TNNC1: variants seen among roughly 807,000 people sequenced by gnomAD.
TNNC1 encodes troponin C, slow skeletal and cardiac muscles.
A neutral mutation model predicts 19.6 loss-of-function variants in TNNC1; 10 were observed. That is an observed-to-expected ratio of 0.51 (90% CI 0.31 to 0.87). The LOEUF (loss-of-function observed/expected upper bound fraction) is 0.87. Ranked by LOEUF, TNNC1 falls within the 40% of genes least tolerant of loss-of-function variation. TNNC1 has a pLI of 0.04. For missense variants in TNNC1, 115 were observed against 219.8 expected (o/e 0.52, Z 3.02); for synonymous variants, 85 against 80.1 (o/e 1.06, Z -0.33).
At chr3:52,453,235 A>G (rs974863307) in intron 1 of TNNC1, among the ~76,000 whole-genome samples, 3 of 151,980 alleles carry the variant, frequency 2.0e-5, no homozygotes, top group Non-Finnish European at 4.4e-5. Flanking sequence ...GGGTTGGGGG[A>G]GGTCACCACC....
Position 52,452,042 on chromosome 3 carries a change from G to A in TNNC1, c.202+64C>T, listed in dbSNP as rs1482763695. 1 of 1,612,226 alleles carries A rather than the reference G, an allele frequency of 6.2e-7. No homozygotes were observed. Among genetic ancestry groups the A allele is most frequent in the East Asian group, 2.2e-5 (1 of 44,864 alleles). On this transcript the variant is annotated intron_variant, in intron 3 of 5. Transcript: ENST00000232975. This position sits in a 1 kb window ranked among gnomAD's most constrained non-coding sequence, Gnocchi z 5.2. ...AGGCTAAATTGCTCCCAGCTAAACA[G>A]AGCCAGCATTCCAGCCCCCAGCCAG...
Position 52,451,446 on chromosome 3 carries a change from G to A in TNNC1, c.399C>T (p.Ile133=). The change falls in exon 5 of 6, where the codon ATC becomes ATT. Residue 133 remains isoleucine (I), a synonymous_variant. Transcript: ENST00000232975. This position sits in a 1 kb window ranked among gnomAD's most constrained non-coding sequence, Gnocchi z 4.8. ...ATGETITEDD[I]EELMKDGDKN... ...TGTCTCCGTCCTTCATGAGCTCCTC[G>A]ATGTCGTCCTCCGTGATGGTCTCGC... The A allele has an allele frequency of 3.7e-6, 6 of 1,614,150 alleles. No individual in the cohort carries two copies. The highest frequency in any genetic ancestry group is 4.2e-6 in the Non-Finnish European group (5 of 1,180,008).
At position 52,452,558 on chromosome 3, in the gene TNNC1, G is replaced by T. The variant is rs748913363; in HGVS notation, c.25-45C>A. On this transcript the variant is annotated intron_variant, in intron 1 of 5. Coordinates refer to ENST00000232975, the MANE Select transcript of TNNC1 (RefSeq NM_003280.3). The surrounding 1 kb of genome is among the most constrained non-coding windows in gnomAD (Gnocchi z 5.2). ...TCAAGGCTCAGACTCAGGTATAGCT[G>T]CTGCTGAGGAAACCAACCCATTCCA... 2.6e-5 allele frequency: 42 copies of T among 1,605,244 alleles called. No individual in the cohort carries two copies. Among genetic ancestry groups the T allele is most frequent in the Middle Eastern group, 3.3e-4 (2 of 6,052 alleles).
At position 52,452,331 on chromosome 3, in the gene TNNC1, T is replaced by G. The variant is rs1020934412; in HGVS notation, c.56-79A>C. ...GGAGGGCCAGAACCCTGGGGCCACCTGCCAACCTGCCCACCTCCCTCGGAG... is the reference window on the plus strand; with the variant it reads ...GGAGGGCCAGAACCCTGGGGCCACCGGCCAACCTGCCCACCTCCCTCGGAG... On this transcript the variant is annotated intron_variant, in intron 2 of 5. Transcript: ENST00000232975. This position sits in a 1 kb window ranked among gnomAD's most constrained non-coding sequence, Gnocchi z 5.2. The G allele has an allele frequency of 2.6e-5, 41 of 1,599,044 alleles. No homozygotes were observed. The Admixed American group carries it at 3.2e-4, about 12-fold the overall frequency.
Position 52,451,626 on chromosome 3 carries a change from C to A in TNNC1, c.318-99G>T. 1 of 1,581,774 alleles carries A rather than the reference C, an allele frequency of 6.3e-7. No individual in the cohort carries two copies. The highest frequency in any genetic ancestry group is 8.7e-7 in the Non-Finnish European group (1 of 1,151,394). ...GCAGGGACACTGGGAGATGGGGCAT[C>A]CCTCTCCCCTATCAGGCAGAGGCCA... On this transcript the variant is annotated intron_variant, in intron 4 of 5. Transcript: ENST00000232975. This position sits in a 1 kb window ranked among gnomAD's most constrained non-coding sequence, Gnocchi z 4.8.
At position 52,452,025 on chromosome 3, in the gene TNNC1, T is replaced by C; in HGVS notation, c.202+81A>G. 6.2e-7 allele frequency: 1 copy of C among 1,607,428 alleles called. No individual in the cohort carries two copies. Among genetic ancestry groups the C allele is most frequent in the Admixed American group, 1.7e-5 (1 of 59,966 alleles). On this transcript the variant is annotated intron_variant, in intron 3 of 5. Coordinates refer to ENST00000232975, the MANE Select transcript of TNNC1 (RefSeq NM_003280.3). The surrounding 1 kb of genome is among the most constrained non-coding windows in gnomAD (Gnocchi z 5.2). ...GCAACCAAGGCTCGGATAGGCTAAA[T>C]TGCTCCCAGCTAAACAGAGCCAGCA...
rs1559615966 is a variant in TNNC1 at position 52,451,765 on chromosome 3, T to A, written c.296A>T (p.Asp99Val). Reference sequence around the variant, plus strand: ...TCACTTGTCAAACATGCGGAAGAGGTCAGACAGCTCCTCCTCAGATTTCCC... The same window carrying A: ...TCACTTGTCAAACATGCGGAAGAGGACAGACAGCTCCTCCTCAGATTTCCC... ...SKGKSEEELS[D>V]LFRMFDKNAD... The change falls in exon 4 of 6, where the codon GAC becomes GTC. Residue 99 changes from aspartate to valine, a missense_variant. Physicochemically the swap from Asp to Val is radical, Grantham distance 152 (BLOSUM62 -3). Around this residue, in one of 2 missense-constraint regions of TNNC1, gnomAD observed 96 missense variants for 114.2 expected, o/e 0.84. Coordinates refer to ENST00000232975, the MANE Select transcript of TNNC1 (RefSeq NM_003280.3). The surrounding 1 kb of genome is among the most constrained non-coding windows in gnomAD (Gnocchi z 4.8). The A allele has an allele frequency of 6.2e-7, 1 of 1,613,740 alleles. No homozygotes were observed. The highest frequency in any genetic ancestry group is 8.5e-7 in the Non-Finnish European group (1 of 1,179,894).
rs72965257 is a variant in TNNC1 at position 52,452,957 on chromosome 3, G to A, written c.25-444C>T. The A allele has an allele frequency of 0.022, 5,603 of 257,882 alleles. 214 individuals are homozygous for A. The highest frequency in any genetic ancestry group is 0.094 in the African/African-American group (4,271 of 45,248). The allele number at this position is 257,882 out of a possible 1,614,324, so 16.0% of individuals were successfully genotyped here. A position where few individuals can be genotyped will look rare whatever the true frequency, so the allele number is the denominator to read the frequency against. ...AAGTTAAACCTGGTGATTGTTCTGG[G>A]GACTTTGGCATGCAGGGGGTGGGGC... On this transcript the variant is annotated intron_variant, in intron 1 of 5. Transcript: ENST00000232975. This position sits in a 1 kb window ranked among gnomAD's most constrained non-coding sequence, Gnocchi z 5.2.
chr3:52,453,198 T>C (rs1179856772), intron 1 of TNNC1, among the ~76,000 whole-genome samples: 2 of 152,282 alleles, frequency 1.3e-5, no homozygotes, highest in East Asian at 3.9e-4. Flanking sequence ...TGGGGACAGC[T>C]GGCCATGCCA....
At position 52,451,789 on chromosome 3, in the gene TNNC1, C is replaced by T. The variant is rs1360608140; in HGVS notation, c.272G>A (p.Gly91Glu). ...MVRCMKDDSK[G>E]KSEEELSDLF... ...GTCAGACAGCTCCTCCTCAGATTTC[C>T]CTTTGCTGTCGTCCTTCATGCACCG... The change falls in exon 4 of 6, where the codon GGG (glycine) becomes GAG (glutamate). Residue 91 changes from glycine to glutamate, a missense_variant. This residue lies in a region of TNNC1 where 96 missense variants were observed against 114.2 expected (regional missense o/e 0.84). Coordinates refer to ENST00000232975, the MANE Select transcript of TNNC1 (RefSeq NM_003280.3). The surrounding 1 kb of genome is among the most constrained non-coding windows in gnomAD (Gnocchi z 4.8). 1 of 1,614,114 alleles carries T rather than the reference C, an allele frequency of 6.2e-7. No individual in the cohort carries two copies. Among genetic ancestry groups the T allele is most frequent in the South Asian group, 1.1e-5 (1 of 91,080 alleles).
rs1706334406 is a variant in TNNC1 at position 52,451,940 on chromosome 3, A to G, written c.203-82T>C. The stretch of plus-strand genomic sequence containing the variant: ...CTTCGACACGAACCCCCATGTTCTC[A>G]CCGCATCCTCACACCAAACGCCAGG... On this transcript the variant is annotated intron_variant, in intron 3 of 5. Transcript: ENST00000232975. This position sits in a 1 kb window ranked among gnomAD's most constrained non-coding sequence, Gnocchi z 4.8. 9 of 1,534,280 alleles carry G rather than the reference A, an allele frequency of 5.9e-6. No individual in the cohort carries two copies. The highest frequency in any genetic ancestry group is 5.0e-5 in the Admixed American group (3 of 59,834).
At position 52,452,571 on chromosome 3, in the gene TNNC1, C is replaced by T; in HGVS notation, c.25-58G>A. ...TCAGGTATAGCTGCTGCTGAGGAAA[C>T]CAACCCATTCCACAGGTGAGAAGGC... On this transcript the variant is annotated intron_variant, in intron 1 of 5. Coordinates refer to ENST00000232975, the MANE Select transcript of TNNC1 (RefSeq NM_003280.3). This position sits in a 1 kb window ranked among gnomAD's most constrained non-coding sequence, Gnocchi z 5.2. The T allele has an allele frequency of 6.4e-7, 1 of 1,574,108 alleles. No homozygotes were observed. The highest frequency in any genetic ancestry group is 8.7e-7 in the Non-Finnish European group (1 of 1,150,170).
At position 52,452,907 on chromosome 3, in the gene TNNC1, A is replaced by C. The variant is rs1306724581; in HGVS notation, c.25-394T>G. ...CCACGGTAACCTGACCAGGGTGGCC[A>C]CTGGGCTATTTTTAACGAGGAACAA... On this transcript the variant is annotated intron_variant, in intron 1 of 5. Coordinates refer to ENST00000232975, the MANE Select transcript of TNNC1 (RefSeq NM_003280.3). The surrounding 1 kb of genome is among the most constrained non-coding windows in gnomAD (Gnocchi z 5.2). 1 of 320,484 alleles carries C rather than the reference A, an allele frequency of 3.1e-6. No homozygotes were observed. The highest frequency in any genetic ancestry group is 6.0e-6 in the Non-Finnish European group (1 of 167,150). The allele number at this position is 320,484 out of a possible 1,614,324, so 19.9% of individuals were successfully genotyped here.
At position 52,451,681 on chromosome 3, in the gene TNNC1, G is replaced by T; in HGVS notation, c.317+63C>A. 6.3e-7 allele frequency: 1 copy of T among 1,580,428 alleles called. No homozygotes were observed. The highest frequency in any genetic ancestry group is 8.7e-7 in the Non-Finnish European group (1 of 1,149,438). On this transcript the variant is annotated intron_variant, in intron 4 of 5. Transcript: ENST00000232975. The surrounding 1 kb of genome is among the most constrained non-coding windows in gnomAD (Gnocchi z 4.8). ...GTCCCTAGGCCTGGAATCTGAGACT[G>T]CCCTCCTGTACAGCTCGGCTTGAGT...
chr3:52,451,779 C>T lies in TNNC1; in HGVS notation c.282G>A (p.Glu94=), dbSNP rs1454902555. The T allele has an allele frequency of 1.2e-6, 2 of 1,614,022 alleles. No homozygotes were observed. Among genetic ancestry groups the T allele is most frequent in the Non-Finnish European group, 1.7e-6 (2 of 1,180,016 alleles). ...TGCGGAAGAGGTCAGACAGCTCCTCCTCAGATTTCCCTTTGCTGTCGTCCT... is the reference window on the plus strand; with the variant it reads ...TGCGGAAGAGGTCAGACAGCTCCTCTTCAGATTTCCCTTTGCTGTCGTCCT... The part of the protein sequence containing the change: ...CMKDDSKGKS[E]EELSDLFRMF... The change falls in exon 4 of 6, where the codon GAG becomes GAA. Residue 94 remains glutamate (E), a synonymous_variant. Coordinates refer to ENST00000232975, the MANE Select transcript of TNNC1 (RefSeq NM_003280.3). This position sits in a 1 kb window ranked among gnomAD's most constrained non-coding sequence, Gnocchi z 4.8.
Position 52,452,882 on chromosome 3 carries a change from C to T in TNNC1, c.25-369G>A. 1 of 374,306 alleles carries T rather than the reference C, an allele frequency of 2.7e-6. No individual in the cohort carries two copies. The highest frequency in any genetic ancestry group is 6.2e-5 in the East Asian group (1 of 16,160). 23.2% of individuals were successfully genotyped at this position (374,306 alleles called of 1,614,324 possible). A position where few individuals can be genotyped will look rare whatever the true frequency, so the allele number is the denominator to read the frequency against. ...ACCAGTGTGGAGGCAGGCAAGCCACCCACGGTAACCTGACCAGGGTGGCCA... is the reference window on the plus strand; with the variant it reads ...ACCAGTGTGGAGGCAGGCAAGCCACTCACGGTAACCTGACCAGGGTGGCCA... On this transcript the variant is annotated intron_variant, in intron 1 of 5. Transcript: ENST00000232975. This position sits in a 1 kb window ranked among gnomAD's most constrained non-coding sequence, Gnocchi z 5.2.
At position 52,452,717 on chromosome 3, in the gene TNNC1, G is replaced by A; in HGVS notation, c.25-204C>T. On this transcript the variant is annotated intron_variant, in intron 1 of 5. Coordinates refer to ENST00000232975, the MANE Select transcript of TNNC1 (RefSeq NM_003280.3). This position sits in a 1 kb window ranked among gnomAD's most constrained non-coding sequence, Gnocchi z 5.2. ...CACTGCGACTGGGCTCAGGGCCAGG[G>A]TGACAGGTGGGCACCCCCTTCAGGA... 1 of 643,310 alleles carries A rather than the reference G, an allele frequency of 1.6e-6. No individual in the cohort carries two copies. Among genetic ancestry groups the A allele is most frequent in the Non-Finnish European group, 2.8e-6 (1 of 358,550 alleles). The allele number at this position is 643,310 out of a possible 1,614,324, so 39.9% of individuals were successfully genotyped here. A position where few individuals can be genotyped will look rare whatever the true frequency, so the allele number is the denominator to read the frequency against.
rs778511103 is a variant in TNNC1 at position 52,452,635 on chromosome 3, T to A, written c.25-122A>T. On this transcript the variant is annotated intron_variant, in intron 1 of 5. Transcript: ENST00000232975. The surrounding 1 kb of genome is among the most constrained non-coding windows in gnomAD (Gnocchi z 5.2). ...GGCAGGCTATTTCCAGGCCACAGAG[T>A]GGAGGTCTCAGTCCTCCCTCCCTGC... 14 of 1,097,570 alleles carry A rather than the reference T, an allele frequency of 1.3e-5. No homozygotes were observed. The highest frequency in any genetic ancestry group is 1.9e-5 in the Non-Finnish European group (14 of 735,094). The allele number at this position is 1,097,570 out of a possible 1,614,324, so 68.0% of individuals were successfully genotyped here.
chr3:52,451,723 G>C lies in TNNC1; in HGVS notation c.317+21C>G. On this transcript the variant is annotated intron_variant, in intron 4 of 5. Coordinates refer to ENST00000232975, the MANE Select transcript of TNNC1 (RefSeq NM_003280.3). This position sits in a 1 kb window ranked among gnomAD's most constrained non-coding sequence, Gnocchi z 4.8. ...GGCTTGAGTGTGGGTCAGGGTCAGA[G>C]GTCAAGGGTCACGTGCTCACTTGTC... The C allele has an allele frequency of 6.2e-7, 1 of 1,609,420 alleles. No individual in the cohort carries two copies. The highest frequency in any genetic ancestry group is 8.5e-7 in the Non-Finnish European group (1 of 1,175,714).
Sources: gnomAD v4.1 joint callset for allele counts (sites outside exome capture counted in the v4.1 genomes callset) on GRCh38, gnomAD v4.1.1 for gene constraint, gnomAD v4.1.1 regional missense constraint, Gnocchi (gnomAD v3.1) non-coding constraint, MANE v1.5 for transcripts, NCBI Gene and HGNC (gene_info 2026-07-23, HGNC 2026-07-21) for gene names.